The following PAFAH1B2 variants were observed in gnomAD, a reference collection of about 807,000 sequenced individuals.
PAFAH1B2 encodes platelet activating factor acetylhydrolase 1b catalytic subunit 2, also known as platelet-activating factor acetylhydrolase IB subunit alpha2.
In PAFAH1B2, 8 loss-of-function variants were observed where a neutral mutation model predicts 28.0. That is an observed-to-expected ratio of 0.29 (90% CI 0.17 to 0.52). The LOEUF (loss-of-function observed/expected upper bound fraction) is 0.52, where lower values mean the gene tolerates loss of function less well. Among genes scored for constraint, PAFAH1B2 ranks in the 20% least tolerant of loss-of-function variants. The pLI is 0.97. For missense variants in PAFAH1B2, 190 were observed against 282.6 expected, an observed-to-expected ratio of 0.67 and a Z score of 2.35; for synonymous variants, 104 against 103.2, an observed-to-expected ratio of 1.01 and a Z score of -0.05.
intron 1 of PAFAH1B2, among the ~76,000 whole-genome samples, chr11:117,146,931 G>GTGA (rs1213697964): frequency 6.6e-6 from 1 of 151,336 alleles, no homozygotes; most frequent in Non-Finnish European, 1.5e-5. Context: ...TCTCCACTGT[G>GTGA]CTTCAGTCTG....
exon 6 of PAFAH1B2, chr11:117,176,654 A>C (rs190563638): frequency 2.4e-5 from 4 of 168,414 alleles, no homozygotes; most frequent in Non-Finnish European, 3.9e-5. Context: ...AGGTGGGTGG[A>C]TCACTCGAGG....
chr11:117,152,475 G>T lies in PAFAH1B2; in HGVS notation c.28G>T (p.Ala10Ser), dbSNP rs547693909. The T allele has an allele frequency of 6.2e-7, 1 of 1,613,906 alleles. No individual in the cohort carries two copies. Among genetic ancestry groups the T allele is most frequent in the South Asian group, 1.1e-5 (1 of 91,074 alleles). Residue 10 changes from alanine (A) to serine (S), a missense_variant, in exon 2 of 6, where the codon GCT becomes TCT. Coordinates refer to ENST00000527958, the MANE Select transcript of PAFAH1B2 (RefSeq NM_002572.4). MSQGDSNPA[A>S]IPHAAEDIQG... ...GAGCCAAGGAGACTCAAACCCAGCAGCTATTCCGCATGCAGCAGAAGATAT... is the reference window on the plus strand; with the variant it reads ...GAGCCAAGGAGACTCAAACCCAGCATCTATTCCGCATGCAGCAGAAGATAT...
At chr11:117,161,001 A>T (rs1956358853) in intron 3 of PAFAH1B2, 144 bp from the exon 4 acceptor site, 2 of 597,944 alleles carry the variant, frequency 3.3e-6, no homozygotes, top group Non-Finnish European at 5.8e-6. Flanking sequence ...ATGGTATCTT[A>T]AAAGCCCTTA....
At chr11:117,160,842 C>T (rs1956356030) in intron 3 of PAFAH1B2, among the ~76,000 whole-genome samples, 1 of 151,736 alleles carries the variant, frequency 6.6e-6, no homozygotes, top group Non-Finnish European at 1.5e-5. Context: ...CTACTTCACC[C>T]TGTTTCTGTA....
rs528654900 is a variant in PAFAH1B2, at chr11:117,152,708, A to G, written c.81+180A>G. On this transcript the variant is annotated intron_variant, in intron 2 of 5. Coordinates refer to ENST00000527958, the MANE Select transcript of PAFAH1B2 (RefSeq NM_002572.4). ...GCTGGGACTAGTGGCACATATCAGT[A>G]TGCCTGGCTTCTTCAATTATTTTAA... 1.4e-4 allele frequency among the ~76,000 whole-genome samples: 22 copies of G among 152,300 alleles called. 1 individual carries two copies. The South Asian group carries it at 4.1e-3, about 29-fold the overall frequency.
intron 5 of PAFAH1B2, 105 bp from the exon 6 acceptor site, chr11:117,167,316 T>G (rs1956534996): frequency 8.5e-7 from 1 of 1,173,272 alleles, no homozygotes; most frequent in Non-Finnish European, 1.2e-6. Context: ...CTCAAAGGTG[T>G]AGAAAGTGCC....
chr11:117,161,365 C>G (rs1321148522), intron 4 of PAFAH1B2, 104 bp downstream of exon 4: 2 of 676,228 alleles, frequency 3.0e-6, no homozygotes, highest in Non-Finnish European at 4.9e-6. Context: ...AGACCTATTT[C>G]ACTATTTTTT....
intron 2 of PAFAH1B2, among the ~76,000 whole-genome samples, chr11:117,158,989 T>C (rs1022889059): frequency 6.6e-6 from 1 of 152,140 alleles, no homozygotes; most frequent in South Asian, 2.1e-4. Flanking sequence ...GCTTGCTGAT[T>C]AGGGTGAAGA....
chr11:117,165,183 A>G (rs1300401033), intron 5 of PAFAH1B2, among the ~76,000 whole-genome samples: 1 of 150,638 alleles, frequency 6.6e-6, no homozygotes, highest in African/African-American at 2.4e-5. Context: ...CGATCTCCTG[A>G]CCTCGTGATC....
chr11:117,160,795 T>TA (rs58475831), intron 3 of PAFAH1B2, among the ~76,000 whole-genome samples: 1 of 151,270 alleles, frequency 6.6e-6, no homozygotes, highest in African/African-American at 2.4e-5. Flanking sequence ...TTTTTTTTTT[T>TA]AAGCTCTAGC....
At chr11:117,148,764 A>C (rs1335435860) in intron 1 of PAFAH1B2, among the ~76,000 whole-genome samples, 1 of 152,174 alleles carries the variant, frequency 6.6e-6, no homozygotes, top group Non-Finnish European at 1.5e-5. Context: ...TCTTATAATA[A>C]TAAAGAGATC....
chr11:117,147,843 G>T (rs1407883050), intron 1 of PAFAH1B2, among the ~76,000 whole-genome samples: 1 of 152,142 alleles, frequency 6.6e-6, no homozygotes, highest in Non-Finnish European at 1.5e-5. Flanking sequence ...TGACCTCCCA[G>T]TTCTTCCTGC....
Position 117,168,225 on chromosome 11 carries a change from A to T in PAFAH1B2, c.*526A>T, listed in dbSNP as rs1357083753. On this transcript the variant is annotated 3_prime_UTR_variant, in exon 6 of 6. Coordinates refer to ENST00000527958, the MANE Select transcript of PAFAH1B2 (RefSeq NM_002572.4). ...ATCAGGTTGAACATGCTTGTCATTGATATATGGAAGATGCTATAGTTAGAA... is the reference window on the plus strand; with the variant it reads ...ATCAGGTTGAACATGCTTGTCATTGTTATATGGAAGATGCTATAGTTAGAA... 2 of 1,058,942 alleles carry T rather than the reference A, an allele frequency of 1.9e-6. No individual in the cohort carries two copies. The highest frequency in any genetic ancestry group is 1.1e-4 in the Admixed American group (2 of 18,594). The allele number at this position is 1,058,942 out of a possible 1,614,324, so 65.6% of individuals were successfully genotyped here.
At position 117,170,628 on chromosome 11, in the gene PAFAH1B2, A is replaced by T. The variant is rs1292905034; in HGVS notation, c.*2929A>T. 356 of 248,352 alleles carry T rather than the reference A, an allele frequency of 1.4e-3. No individual in the cohort carries two copies. The highest frequency in any genetic ancestry group is 0.013 in the African/African-American group (87 of 6,812). 15.4% of individuals were successfully genotyped at this position (248,352 alleles called of 1,614,324 possible). On this transcript the variant is annotated 3_prime_UTR_variant, in exon 6 of 6. Transcript: ENST00000527958. Reference sequence around the variant, plus strand: ...GGCTCTTAGGAATTTTGTCTGTTTAAAAAAAAAAAAAAAAAAAAAGTCCAA... The same window carrying T: ...GGCTCTTAGGAATTTTGTCTGTTTATAAAAAAAAAAAAAAAAAAAGTCCAA...
intron 4 of PAFAH1B2, among the ~76,000 whole-genome samples, chr11:117,161,594 CG>C (rs1206436751): frequency 6.6e-6 from 1 of 151,452 alleles, no homozygotes; most frequent in Non-Finnish European, 1.5e-5. Flanking sequence ...CTGCAACCTC[CG>C]CCTCCTGGGT....
downstream of PAFAH1B2, chr11:117,171,065 C>T: frequency 9.8e-7 from 1 of 1,025,044 alleles, no homozygotes; most frequent in Non-Finnish European, 1.2e-6. Context: ...GTCTTTCTGT[C>T]TCCTTTATCA....
intron 1 of PAFAH1B2, among the ~76,000 whole-genome samples, chr11:117,147,428 G>C (rs1215492386): frequency 2.0e-5 from 3 of 152,104 alleles, no homozygotes; most frequent in African/African-American, 7.2e-5. Flanking sequence ...AAACTCCTGG[G>C]CTCAAGCAGT....
In PAFAH1B2 at chr11:117,168,336, A is replaced by G. The variant is rs1174458488; in HGVS notation, c.*637A>G. ...CCAGTAGAGGGATTCTTTGGAGGGT[A>G]TTATTTTTTATGCTGCTGAATATCA... is the stretch of plus-strand genomic sequence containing the variant. On this transcript the variant is annotated 3_prime_UTR_variant, in exon 6 of 6. Transcript: ENST00000527958. 1.9e-6 allele frequency: 2 copies of G among 1,050,530 alleles called. No individual in the cohort carries two copies. Among genetic ancestry groups the G allele is most frequent in the Non-Finnish European group, 2.3e-6 (2 of 871,408 alleles). The allele number at this position is 1,050,530 out of a possible 1,614,324, so 65.1% of individuals were successfully genotyped here.
chr11:117,178,082 G>A (rs1046911228), downstream of PAFAH1B2, among the ~76,000 whole-genome samples: 1 of 152,202 alleles, frequency 6.6e-6, no homozygotes, highest in Non-Finnish European at 1.5e-5. Context: ...CTGGATCAAA[G>A]GGTATAAAGC....
Sources: gnomAD v4.1 joint callset for allele counts (sites outside exome capture counted in the v4.1 genomes callset) on GRCh38, gnomAD v4.1.1 for gene constraint, MANE v1.5 for transcripts, NCBI Gene and HGNC (gene_info 2026-07-23, HGNC 2026-07-21) for gene names.